CDH23: variants seen among roughly 807,000 people sequenced by gnomAD.
The protein encoded by CDH23 is cadherin related 23, also known as cadherin-23.
A neutral mutation model predicts 317.1 loss-of-function variants in CDH23; 189 were observed. The ratio of observed to expected loss-of-function variants is 0.60; its 90% CI spans 0.53 to 0.67. The LOEUF (loss-of-function observed/expected upper bound fraction) is 0.67. Among genes scored for constraint, CDH23 ranks in the 30% least tolerant of loss-of-function variants. The probability of loss-of-function intolerance (pLI) is 0.00; values close to 1 mark genes in which losing one functional copy is unlikely to be tolerated. For synonymous variants in CDH23, 1,839 were observed against 1,876.8 expected (o/e 0.98, Z 0.52); for missense variants, 4,401 against 4,592.4 (o/e 0.96, Z 1.20).
rs374937867 is a variant in CDH23 at position 71,799,078 on chromosome 10, G to A, written c.7055-33G>A. 42 of 1,593,472 alleles carry A rather than the reference G, an allele frequency of 2.6e-5. No homozygotes were observed. In the African/African-American group the frequency reaches 5.5e-4, roughly 21 times the overall value. On this transcript the variant is annotated intron_variant, in intron 50 of 69. Transcript: ENST00000224721. The stretch of plus-strand genomic sequence containing the variant: ...GGAGAGCTGCCATGAATGAGGAGTG[G>A]CCAAAATGGCAGTGGGAGCCTCTGT...
intron 60 of CDH23, among the ~76,000 whole-genome samples, chr10:71,809,205 C>G (rs933100542): frequency 3.1e-5 from 3 of 96,056 alleles, no homozygotes; most frequent in African/African-American, 1.2e-4. Context: ...GATAGACTCT[C>G]ACTCTGTTTG....
intron 3 of CDH23, among the ~76,000 whole-genome samples, chr10:71,457,070 G>A (rs1850731982): frequency 6.6e-6 from 1 of 152,208 alleles, no homozygotes; most frequent in Non-Finnish European, 1.5e-5. Flanking sequence ...CCCCGAGGAG[G>A]AAGAAACTCA....
At chr10:71,579,327 C>T (rs937734603) in intron 9 of CDH23, among the ~76,000 whole-genome samples, 2 of 152,134 alleles carry the variant, frequency 1.3e-5, no homozygotes, top group Non-Finnish European at 2.9e-5. Context: ...CAGAGCAACT[C>T]CCAGCCCAGC....
intron 3 of CDH23, among the ~76,000 whole-genome samples, chr10:71,481,262 G>A (rs963677810): frequency 3.9e-5 from 6 of 152,304 alleles, no homozygotes; most frequent in African/African-American, 1.4e-4. Flanking sequence ...CATTAAAAGG[G>A]AGGGAGTTCC....
rs11000013 is a variant in CDH23, at chr10:71,811,764, G to A, written c.9319+11G>A. 0.12 allele frequency: 180,704 copies of A among 1,567,044 alleles called. 11,335 individuals are homozygous for A. Among genetic ancestry groups the A allele is most frequent in the Middle Eastern group, 0.22 (1,322 of 5,972 alleles). On this transcript the variant is annotated intron_variant, in intron 65 of 69. Transcript: ENST00000224721. ...TGGCTGGCTCAGCTGGTAAGTGAGG[G>A]CCATAGTGGGGACACAGGTGAGAAG...
At chr10:71,578,030 C>G (rs1858341644) in intron 9 of CDH23, 38 bp downstream of exon 9, 5 of 1,546,360 alleles carry the variant, frequency 3.2e-6, no homozygotes, top group Non-Finnish European at 4.4e-6. Context: ...TCTCACCCCT[C>G]TGTCCTCCAC....
intron 15 of CDH23, among the ~76,000 whole-genome samples, chr10:71,675,451 T>C (rs1864320283): frequency 6.6e-6 from 1 of 152,206 alleles, no homozygotes; most frequent in Admixed American, 6.5e-5. Flanking sequence ...ATTGTGTCTC[T>C]GAGAGGCTTT....
At position 71,414,095 on chromosome 10, in the gene CDH23, G is replaced by GT. The variant is rs552855399; in HGVS notation, c.-6+16783dup. On this transcript the variant is annotated intron_variant, in intron 1 of 69. Transcript: ENST00000224721. ...TGTGTGTGTGTGTGTAATTGTTAGAGTTTTTTGCATGTATGATCATGTCTT... is the reference window on the plus strand; with the variant it reads ...TGTGTGTGTGTGTGTAATTGTTAGAGTTTTTTTGCATGTATGATCATGTCTT... 3.1e-3 allele frequency among the ~76,000 whole-genome samples: 461 copies of GT among 148,724 alleles called. 1 individual carries two copies. The highest frequency in any genetic ancestry group is 0.011 in the African/African-American group (427 of 39,620).
Position 71,815,391 on chromosome 10 carries a change from G to A in CDH23, c.*113G>A. 9.3e-7 allele frequency: 1 copy of A among 1,072,972 alleles called. No homozygotes were observed. The highest frequency in any genetic ancestry group is 1.6e-5 in the African/African-American group (1 of 62,750). 66.5% of individuals were successfully genotyped at this position (1,072,972 alleles called of 1,614,324 possible). A position where few individuals can be genotyped will look rare whatever the true frequency, so the allele number is the denominator to read the frequency against. On this transcript the variant is annotated 3_prime_UTR_variant, in exon 70 of 70. Transcript: ENST00000224721. ...GGACCCTCCAAGGCCAGGCCTTGGG[G>A]ACAACCTTGGCTTGGCCCTGGCAGC...
intron 38 of CDH23, among the ~76,000 whole-genome samples, chr10:71,773,135 C>T (rs553039273): frequency 1.1e-4 from 17 of 152,238 alleles, no homozygotes; most frequent in Non-Finnish European, 1.9e-4. Flanking sequence ...ACTTGGGCAG[C>T]TGTCAGAGCA....
At chr10:71,719,301 A>G (rs1486742266) in intron 28 of CDH23, among the ~76,000 whole-genome samples, 3 of 152,188 alleles carry the variant, frequency 2.0e-5, no homozygotes, top group African/African-American at 7.2e-5. Context: ...GCCAGGAATC[A>G]TCTGGAGGGC....
chr10:71,399,326 G>A (rs769293867), intron 1 of CDH23, among the ~76,000 whole-genome samples: 12 of 152,196 alleles, frequency 7.9e-5, no homozygotes, highest in Non-Finnish European at 1.6e-4. Context: ...AGATCCTTGG[G>A]TGACTCATGT....
At chr10:71,800,836 G>A (rs1021219905) in intron 53 of CDH23, 81 bp downstream of exon 53, 16 of 1,558,614 alleles carry the variant, frequency 1.0e-5, no homozygotes, top group Non-Finnish European at 1.3e-5. Context: ...CAAGTGGACT[G>A]CTGCAGACTG....
rs769896655 is a variant in CDH23 at position 71,570,918 on chromosome 10, G to T, written c.753G>T (p.Pro251=). 6 of 1,613,642 alleles carry T rather than the reference G, an allele frequency of 3.7e-6. 1 individual carries two copies. The Admixed American group carries it at 1.0e-4, about 27-fold the overall frequency. ...CCAACATCTACGAGCATTCTCCTCCGGTAAGACTCCTGGCCCTTCCTTCTC... is the reference window on the plus strand; with the variant it reads ...CCAACATCTACGAGCATTCTCCTCCTGTAAGACTCCTGGCCCTTCCTTCTC... ...YSTNIYEHSP[P]GTTVRIITAI... Residue 251 remains proline, a splice_region_variant and synonymous_variant, in exon 8 of 70, where the codon CCG becomes CCT. Transcript: ENST00000224721.
At chr10:71,682,296 G>A (rs10999949) in intron 17 of CDH23, 149 bp from the exon 18 acceptor site, 25,306 of 992,536 alleles carry the variant, frequency 0.025, 1,626 homozygotes, top group East Asian at 0.21. Context: ...AACCTCAGTC[G>A]AGATGTTGAG....
intron 9 of CDH23, among the ~76,000 whole-genome samples, chr10:71,598,580 G>A (rs2132468213): frequency 6.6e-6 from 1 of 152,332 alleles, no homozygotes. Flanking sequence ...TGATGGGGAA[G>A]GAGGCAGGGC....
intron 3 of CDH23, among the ~76,000 whole-genome samples, chr10:71,497,406 G>T (rs1853035432): frequency 6.6e-6 from 1 of 152,062 alleles, no homozygotes; most frequent in African/African-American, 2.4e-5. Context: ...ACCCTCATGG[G>T]CCTGGGAGCT....
rs1336427928 is a variant in CDH23, at chr10:71,785,119, C to G, written c.5712+19C>G. On this transcript the variant is annotated intron_variant, in intron 43 of 69. Coordinates refer to ENST00000224721, the MANE Select transcript of CDH23 (RefSeq NM_022124.6). The stretch of plus-strand genomic sequence containing the variant: ...TGCCACGGTAGGGCCTAGACTGACC[C>G]CAGGGAGCTTCCCAGGGTTTCCAGT... 6.3e-7 allele frequency: 1 copy of G among 1,598,266 alleles called. No homozygotes were observed.
Position 71,779,281 on chromosome 10 carries a change from G to GAATGTT in CDH23, c.5206_5207insTTAATG (p.Val1734_Asn1735dup). Reference sequence around the variant, plus strand: ...CACCATCTCAGGTGCTTGTGAATGTGAATGACATCAACGACAATGTGCCTA... The same window carrying GAATGTT: ...CACCATCTCAGGTGCTTGTGAATGTGAATGTTAATGACATCAACGACAATGTGCCTA... On this transcript the variant is annotated inframe_insertion, in exon 41 of 70. Transcript: ENST00000224721. 1 of 1,614,018 alleles carries GAATGTT rather than the reference G, an allele frequency of 6.2e-7. No individual in the cohort carries two copies.
Sources: gnomAD v4.1 joint callset for allele counts (sites outside exome capture counted in the v4.1 genomes callset) on GRCh38, gnomAD v4.1.1 for gene constraint, MANE v1.5 for transcripts, NCBI Gene and HGNC (gene_info 2026-07-23, HGNC 2026-07-21) for gene names.